Variants in C6 observed in about 807,000 individuals in gnomAD.
C6 encodes the protein complement component C6.
A neutral mutation model predicts 112.9 loss-of-function variants in C6; 101 were observed. The ratio of observed to expected loss-of-function variants is 0.89; its 90% CI spans 0.76 to 1.06. The LOEUF is 1.06. Ranked by LOEUF, C6 falls within the 50% of genes least tolerant of loss-of-function variation. The pLI is 0.00. For synonymous variants in C6, 431 were observed against 384.1 expected, an observed-to-expected ratio of 1.12 and a Z score of -1.43; for missense variants, 1,202 against 1,104.6, an observed-to-expected ratio of 1.09 and a Z score of -1.25.
chr5:41,199,237 A>G lies in C6; in HGVS notation c.445+531T>C, dbSNP rs113979717. Among the ~76,000 whole-genome samples the G allele has an allele frequency of 9.2e-5, 14 of 152,330 alleles. 1 individual carries two copies. The highest frequency in any genetic ancestry group is 3.4e-4 in the African/African-American group (14 of 41,584). ...ATGATAGAGATTTCATTCATCTGAA[A>G]TTTAATTTTATTGTAACTTTAAGTT... On this transcript the variant is annotated intron_variant, in intron 4 of 17. Transcript: ENST00000337836.
At chr5:41,199,474 T>C (rs557249650) in intron 4 of C6, among the ~76,000 whole-genome samples, 162 of 152,364 alleles carry the variant, frequency 1.1e-3, no homozygotes, top group African/African-American at 3.9e-3. Context: ...GATATCTTAA[T>C]ATTCTTGTCA....
At chr5:41,252,566 C>G (rs1741433553) in intron 1 of C6, among the ~76,000 whole-genome samples, 1 of 152,190 alleles carries the variant, frequency 6.6e-6, no homozygotes, top group Admixed American at 6.5e-5. Flanking sequence ...TATTTTACCT[C>G]AAAATGTAAT....
At position 41,250,229 on chromosome 5, in the gene C6, G is replaced by A. The variant is rs572128300; in HGVS notation, c.-21+10965C>T. 5.3e-5 allele frequency among the ~76,000 whole-genome samples: 8 copies of A among 152,332 alleles called. No homozygotes were observed. The South Asian group carries it at 1.7e-3, about 32-fold the overall frequency. On this transcript the variant is annotated intron_variant, in intron 1 of 17. Transcript: ENST00000263413. ...TCCACTCTCACCCTAGGCTTGAGGAGAAACTTGAAGTTATGTTACCCAATA... is the reference window on the plus strand; with the variant it reads ...TCCACTCTCACCCTAGGCTTGAGGAAAAACTTGAAGTTATGTTACCCAATA...
rs1386759149 is a variant in C6 at position 41,149,935 on chromosome 5, C to T, written c.2381G>A (p.Ser794Asn). 2 of 1,602,712 alleles carry T rather than the reference C, an allele frequency of 1.2e-6. No individual in the cohort carries two copies. The highest frequency in any genetic ancestry group is 8.5e-7 in the Non-Finnish European group (1 of 1,169,844). ...CICMSPEEDC[S>N]HHSEDLCVFD... ...ACACAGTCTGTAGGGTATCTCTTACCTACAGTCTTCTTCTGGAGACATACA... is the reference window on the plus strand; with the variant it reads ...ACACAGTCTGTAGGGTATCTCTTACTTACAGTCTTCTTCTGGAGACATACA... Residue 794 changes from serine to asparagine, a missense_variant and splice_region_variant, in exon 16 of 18, where the codon AGC (serine) becomes AAC (asparagine). Physicochemically the swap from Ser to Asn is conservative, Grantham distance 46. Coordinates refer to ENST00000337836, the MANE Select transcript of C6 (RefSeq NM_000065.5).
intron 1 of C6, among the ~76,000 whole-genome samples, chr5:41,252,375 G>T (rs1374558437): frequency 6.6e-6 from 1 of 152,110 alleles, no homozygotes; most frequent in African/African-American, 2.4e-5. Flanking sequence ...GGGGAGGTCA[G>T]TTATGCCTCA....
At chr5:41,226,894 T>A (rs191375126) in intron 1 of C6, among the ~76,000 whole-genome samples, 14 of 152,314 alleles carry the variant, frequency 9.2e-5, no homozygotes, top group Admixed American at 5.9e-4. Flanking sequence ...TCTTGGTTAT[T>A]GTAAATAATG....
chr5:41,216,444 T>C (rs1048601775), upstream of C6, among the ~76,000 whole-genome samples: 6 of 152,130 alleles, frequency 3.9e-5, no homozygotes, highest in Non-Finnish European at 8.8e-5. Context: ...TCACCCCTTT[T>C]CTTTCATTTG....
intron 2 of C6, among the ~76,000 whole-genome samples, chr5:41,202,716 A>G (rs890520229): frequency 4.6e-5 from 7 of 152,196 alleles, no homozygotes; most frequent in Non-Finnish European, 8.8e-5. Context: ...GTTCTGCTCA[A>G]TTGAGGTCCT....
chr5:41,218,186 A>G (rs1449570931), upstream of C6, among the ~76,000 whole-genome samples: 4 of 152,186 alleles, frequency 2.6e-5, no homozygotes, highest in Non-Finnish European at 5.9e-5. Context: ...AAGAAAAAGA[A>G]CGTCAAGAAG....
intron 1 of C6, among the ~76,000 whole-genome samples, chr5:41,226,756 G>C (rs956605565): frequency 6.6e-6 from 1 of 151,874 alleles, no homozygotes. Context: ...TGTCCTCCAG[G>C]TTCATCCATG....
intron 1 of C6, among the ~76,000 whole-genome samples, 155 bp from the exon 2 acceptor site, chr5:41,203,405 G>A (rs375203571): frequency 3.0e-4 from 45 of 152,178 alleles, no homozygotes; most frequent in African/African-American, 8.7e-4. Flanking sequence ...TCACATGCTC[G>A]TGAGTACAAA....
chr5:41,149,137 G>T, intron 17 of C6, 104 bp downstream of exon 17: 1 of 1,380,196 alleles, frequency 7.2e-7, no homozygotes, highest in Non-Finnish European at 1.0e-6. Context: ...ACAATGAAAA[G>T]GAATTATTTT....
chr5:41,215,657 G>A (rs1752173202), upstream of C6, among the ~76,000 whole-genome samples: 2 of 151,964 alleles, frequency 1.3e-5, no homozygotes, highest in South Asian at 4.1e-4. Flanking sequence ...CCAGTAGAAA[G>A]CATATAATTG....
At position 41,252,757 on chromosome 5, in the gene C6, T is replaced by C. The variant is rs146444471; in HGVS notation, c.-21+8437A>G. Among the ~76,000 whole-genome samples the C allele has an allele frequency of 4.9e-3, 752 of 152,318 alleles. 2 individuals are homozygous for C. The highest frequency in any genetic ancestry group is 7.2e-3 in the Non-Finnish European group (487 of 68,024). Reference sequence around the variant, plus strand: ...TCTATTCTTTCTGAAGCTTGCTACCTGGAGGCTTCATCTACATAACAAGAA... The same window carrying C: ...TCTATTCTTTCTGAAGCTTGCTACCCGGAGGCTTCATCTACATAACAAGAA... On this transcript the variant is annotated intron_variant, in intron 1 of 17. Transcript: ENST00000263413.
intron 1 of C6, among the ~76,000 whole-genome samples, chr5:41,251,039 G>C (rs962272019): frequency 1.3e-5 from 2 of 152,110 alleles, no homozygotes; most frequent in Non-Finnish European, 2.9e-5. Flanking sequence ...GCTCAGAGAT[G>C]ATTTATTACT....
rs115111007 is a variant in C6 at position 41,248,868 on chromosome 5, C to T, written c.-21+12326G>A. Among the ~76,000 whole-genome samples the T allele has an allele frequency of 3.9e-3, 599 of 152,082 alleles. 7 individuals are homozygous for T. The highest frequency in any genetic ancestry group is 0.014 in the African/African-American group (574 of 41,490). The stretch of plus-strand genomic sequence containing the variant: ...ATTCTACTAAAAAGACACATGTACT[C>T]ACATGTTTGTTGCAGTGCTGTTCAC... On this transcript the variant is annotated intron_variant, in intron 1 of 17. Coordinates refer to the C6 transcript ENST00000263413.
At chr5:41,160,472 C>T (rs1747381146) in intron 10 of C6, 105 bp from the exon 11 acceptor site, 1 of 869,166 alleles carries the variant, frequency 1.2e-6, no homozygotes, top group Non-Finnish European at 1.9e-6. Flanking sequence ...GAAAATTTTA[C>T]ACTTCAAAGG....
upstream of C6, among the ~76,000 whole-genome samples, chr5:41,215,056 C>T (rs1752149692): frequency 1.3e-5 from 2 of 152,080 alleles, no homozygotes; most frequent in African/African-American, 4.8e-5. Flanking sequence ...ATCTTGGGTT[C>T]TTTTGGAAGG....
intron 1 of C6, among the ~76,000 whole-genome samples, chr5:41,231,161 T>G (rs1044616756): frequency 8.5e-5 from 13 of 152,276 alleles, no homozygotes; most frequent in Middle Eastern, 3.4e-3. Context: ...TTTATCCACT[T>G]AGCTACTCTT....
Sources: gnomAD v4.1 joint callset for allele counts (sites outside exome capture counted in the v4.1 genomes callset) on GRCh38, gnomAD v4.1.1 for gene constraint, MANE v1.5 for transcripts, NCBI Gene and HGNC (gene_info 2026-07-23, HGNC 2026-07-21) for gene names.